Variants in HSPA4L observed in about 807,000 individuals in gnomAD.
The protein encoded by HSPA4L is heat shock 70 kDa protein 4L.
In HSPA4L, 48 loss-of-function variants were observed where a neutral mutation model predicts 100.3. That is an observed-to-expected ratio of 0.48 (90% CI 0.38 to 0.61). HSPA4L has a LOEUF of 0.61. Among genes scored for constraint, HSPA4L ranks in the 20% least tolerant of loss-of-function variants. The probability of loss-of-function intolerance (pLI) is 0.00; values close to 1 mark genes in which losing one functional copy is unlikely to be tolerated. For synonymous variants in HSPA4L, 319 were observed against 328.2 expected, an observed-to-expected ratio of 0.97 and a Z score of 0.30; for missense variants, 886 against 988.6, an observed-to-expected ratio of 0.90 and a Z score of 1.39.
chr4:127,833,283 A>G lies in HSPA4L; in HGVS notation c.*409A>G, dbSNP rs1266297527. ...TATTTTGAAAAACAAATGAAAATTG[A>G]TGGGGTTTAAAGCTACAGAGGCACT... On this transcript the variant is annotated 3_prime_UTR_variant, in exon 19 of 19. Transcript: ENST00000296464. The G allele has an allele frequency of 6.5e-6, 1 of 154,564 alleles. No individual in the cohort carries two copies. Among genetic ancestry groups the G allele is most frequent in the Non-Finnish European group, 1.4e-5 (1 of 69,482 alleles). 9.6% of individuals were successfully genotyped at this position (154,564 alleles called of 1,614,324 possible). A position where few individuals can be genotyped will look rare whatever the true frequency, so the allele number is the denominator to read the frequency against.
At chr4:127,809,518 A>C in intron 11 of HSPA4L, 1 of 863,150 alleles carries the variant, frequency 1.2e-6, no homozygotes, top group Non-Finnish European at 2.0e-6. Flanking sequence ...GTAATATCAA[A>C]TGCCAAAGCT....
At chr4:127,809,451 G>A in intron 11 of HSPA4L, 4 of 1,197,302 alleles carry the variant, frequency 3.3e-6, no homozygotes, top group South Asian at 2.4e-5. Flanking sequence ...GATTCTTCCT[G>A]TTTTACCTCG....
At chr4:127,782,936 T>C (rs952012499) in intron 1 of HSPA4L, among the ~76,000 whole-genome samples, 1 of 152,174 alleles carries the variant, frequency 6.6e-6, no homozygotes, top group African/African-American at 2.4e-5. Flanking sequence ...CTCGTGCCGC[T>C]GTCCCCCAAC....
At position 127,836,580 on chromosome 4, in the gene HSPA4L, T is replaced by A. The variant is rs914814283; in HGVS notation, c.*3706T>A. The stretch of plus-strand genomic sequence containing the variant: ...TGATTAATTCCATGATAGAAGTCTT[T>A]AAAGAGAATTTTGGGGCTCAATAAT... On this transcript the variant is annotated 3_prime_UTR_variant, in exon 19 of 19. Coordinates refer to ENST00000296464, the MANE Select transcript of HSPA4L (RefSeq NM_014278.4). 2 of 151,952 alleles carry A rather than the reference T, an allele frequency of 1.3e-5. No homozygotes were observed. The highest frequency in any genetic ancestry group is 4.8e-5 in the African/African-American group (2 of 41,392). 9.4% of individuals were successfully genotyped at this position (151,952 alleles called of 1,614,324 possible). A position where few individuals can be genotyped will look rare whatever the true frequency, so the allele number is the denominator to read the frequency against.
chr4:127,808,782 G>C (rs1161617091), intron 11 of HSPA4L, among the ~76,000 whole-genome samples: 2 of 152,052 alleles, frequency 1.3e-5, no homozygotes, highest in Admixed American at 1.3e-4. Flanking sequence ...AATTAGCTGG[G>C]TGTGGTGGCA....
chr4:127,783,910 A>G (rs904104358), intron 1 of HSPA4L, among the ~76,000 whole-genome samples: 1 of 152,210 alleles, frequency 6.6e-6, no homozygotes, highest in Non-Finnish European at 1.5e-5. Flanking sequence ...TCGTAGATGT[A>G]CACGTTTCTT....
At position 127,822,855 on chromosome 4, in the gene HSPA4L, C is replaced by A; in HGVS notation, c.1899C>A (p.Asp633Glu). 1.2e-6 allele frequency: 2 copies of A among 1,613,658 alleles called. No individual in the cohort carries two copies. Among genetic ancestry groups the A allele is most frequent in the Non-Finnish European group, 1.7e-6 (2 of 1,179,736 alleles). ...AAGAATATGTATATGATTTTAGAGA[C>A]AGGCTGGGCACTGTCTATGAAAAAT... ...AVEEYVYDFR[D>E]RLGTVYEKFI... The change falls in exon 15 of 19, where the codon GAC (aspartate) becomes GAA (glutamate). Residue 633 changes from aspartate (D) to glutamate (E), a missense_variant. Physicochemically the swap from Asp to Glu is conservative, Grantham distance 45. Coordinates refer to ENST00000296464, the MANE Select transcript of HSPA4L (RefSeq NM_014278.4).
intron 17 of HSPA4L, among the ~76,000 whole-genome samples, chr4:127,829,269 T>G: frequency 6.6e-6 from 1 of 152,020 alleles, no homozygotes; most frequent in South Asian, 2.1e-4. Context: ...TGGTTGAAAA[T>G]AGGGGTAAGT....
intron 6 of HSPA4L, 46 bp from the exon 7 acceptor site, chr4:127,803,578 TGGAAG>T: frequency 7.0e-7 from 1 of 1,438,054 alleles, no homozygotes; most frequent in Non-Finnish European, 9.2e-7. Context: ...CTTTTTTTTT[TGGAAG>T]AATCTATATT....
chr4:127,805,431 ATAT>A (rs1045896231), intron 9 of HSPA4L, among the ~76,000 whole-genome samples: 1 of 152,170 alleles, frequency 6.6e-6, no homozygotes, highest in African/African-American at 2.4e-5. Context: ...CACTGAAAGA[ATAT>A]TAATTTTACA....
chr4:127,806,600 T>A (rs556594819), intron 10 of HSPA4L, among the ~76,000 whole-genome samples: 24 of 152,138 alleles, frequency 1.6e-4, no homozygotes, highest in African/African-American at 5.8e-4. Context: ...TGTTTCCCTC[T>A]GTCATAAGCT....
At chr4:127,810,573 C>A (rs540566621) in intron 11 of HSPA4L, among the ~76,000 whole-genome samples, 1 of 152,150 alleles carries the variant, frequency 6.6e-6, no homozygotes, top group East Asian at 1.9e-4. Flanking sequence ...GCCTGGGCAA[C>A]ATAGTGAGAC....
chr4:127,812,151 T>TGTA (rs1170746816), intron 12 of HSPA4L, among the ~76,000 whole-genome samples: 6 of 152,124 alleles, frequency 3.9e-5, no homozygotes, highest in Non-Finnish European at 5.9e-5. Context: ...AGCTCACGCC[T>TGTA]GTAATCGCAG....
Position 127,818,396 on chromosome 4 carries a change from T to G in HSPA4L, c.1650T>G (p.Ile550Met), listed in dbSNP as rs774470418. 1 of 1,607,738 alleles carries G rather than the reference T, an allele frequency of 6.2e-7. No individual in the cohort carries two copies. The highest frequency in any genetic ancestry group is 8.5e-7 in the Non-Finnish European group (1 of 1,176,266). Residue 550 changes from isoleucine (I) to methionine (M), a missense_variant, in exon 13 of 19, where the codon ATT (isoleucine) becomes ATG (methionine). Transcript: ENST00000296464. ...CTGAACACACTCCAGAAGAGGAAAT[T>G]GATCATACAGGAGCCAAAACAAAGG... is the stretch of plus-strand genomic sequence containing the variant. ...CHAEHTPEEE[I>M]DHTGAKTKSA...
chr4:127,793,580 T>G (rs1157675753), intron 1 of HSPA4L, among the ~76,000 whole-genome samples: 3 of 152,244 alleles, frequency 2.0e-5, no homozygotes, highest in African/African-American at 7.2e-5. Context: ...TAATGTTTAC[T>G]ATGTGCCAAT....
At chr4:127,819,728 T>G (rs891883392) in intron 13 of HSPA4L, among the ~76,000 whole-genome samples, 1 of 152,134 alleles carries the variant, frequency 6.6e-6, no homozygotes, top group Non-Finnish European at 1.5e-5. Context: ...AGTTATACAG[T>G]ATGTACTTAT....
At chr4:127,792,910 A>G (rs565130856) in intron 1 of HSPA4L, among the ~76,000 whole-genome samples, 1 of 152,304 alleles carries the variant, frequency 6.6e-6, no homozygotes, top group East Asian at 1.9e-4. Flanking sequence ...AGAAAGAGAG[A>G]ACAGCATTTA....
intron 1 of HSPA4L, among the ~76,000 whole-genome samples, chr4:127,790,155 T>C (rs1193640299): frequency 2.6e-5 from 4 of 152,214 alleles, no homozygotes; most frequent in Non-Finnish European, 4.4e-5. Flanking sequence ...GAACCAGCGC[T>C]TAATGATAGT....
At chr4:127,818,637 G>A (rs887780895) in intron 13 of HSPA4L, among the ~76,000 whole-genome samples, 1 of 151,716 alleles carries the variant, frequency 6.6e-6, no homozygotes, top group Admixed American at 6.6e-5. Flanking sequence ...ACCTTTTTTG[G>A]TAGGAAAAAA....
Sources: gnomAD v4.1 joint callset for allele counts (sites outside exome capture counted in the v4.1 genomes callset) on GRCh38, gnomAD v4.1.1 for gene constraint, MANE v1.5 for transcripts, NCBI Gene and HGNC (gene_info 2026-07-23, HGNC 2026-07-21) for gene names.